The following PTPN5 variants were observed in gnomAD, a reference collection of about 807,000 sequenced individuals.
The protein encoded by PTPN5 is tyrosine-protein phosphatase non-receptor type 5.
PTPN5 carries 29 observed loss-of-function variants against 73.9 expected under a neutral mutation model. The ratio of observed to expected loss-of-function variants is 0.39; its 90% CI spans 0.29 to 0.54. The LOEUF is 0.54. PTPN5 is among the 20% of genes least tolerant of loss of function. The pLI, the probability that PTPN5 is intolerant of heterozygous loss-of-function variation, is 0.65. For missense variants in PTPN5, 652 were observed against 751.4 expected, an observed-to-expected ratio of 0.87 and a Z score of 1.55; for synonymous variants, 267 against 304.7, an observed-to-expected ratio of 0.88 and a Z score of 1.29.
At chr11:18,747,112 A>G (rs1014249038) in intron 3 of PTPN5, among the ~76,000 whole-genome samples, 7 of 151,526 alleles carry the variant, frequency 4.6e-5, no homozygotes, top group African/African-American at 9.7e-5. Context: ...GAGAGGGAAC[A>G]TGGGACTATG....
intron 1 of PTPN5, among the ~76,000 whole-genome samples, chr11:18,786,682 C>A (rs1417381103): frequency 6.6e-6 from 1 of 152,184 alleles, no homozygotes; most frequent in African/African-American, 2.4e-5. Context: ...CAGATGGAAT[C>A]TGGACTGGGG....
At chr11:18,738,027 G>A in intron 8 of PTPN5, 63 bp from the exon 9 acceptor site, 1 of 1,395,796 alleles carries the variant, frequency 7.2e-7, no homozygotes, top group South Asian at 1.2e-5. Flanking sequence ...GAATCCAGGG[G>A]CTGCTGTGCC....
chr11:18,729,341 C>T lies in PTPN5; in HGVS notation c.1604+112G>A. On this transcript the variant is annotated intron_variant, in intron 14 of 14. Coordinates refer to ENST00000358540, the MANE Select transcript of PTPN5 (RefSeq NM_006906.2). The surrounding 1 kb of genome is among the most constrained non-coding windows in gnomAD (Gnocchi z 5.2). ...TCCTTGTCTGCCCATCAGTCCGTGCCAGTGTTTTCCATCTGCCCCTCACCC... is the reference window on the plus strand; with the variant it reads ...TCCTTGTCTGCCCATCAGTCCGTGCTAGTGTTTTCCATCTGCCCCTCACCC... The T allele has an allele frequency of 1.5e-6, 1 of 664,978 alleles. No individual in the cohort carries two copies. Among genetic ancestry groups the T allele is most frequent in the Non-Finnish European group, 2.7e-6 (1 of 365,718 alleles). The allele number at this position is 664,978 out of a possible 1,614,324, so 41.2% of individuals were successfully genotyped here.
intron 1 of PTPN5, among the ~76,000 whole-genome samples, chr11:18,778,202 A>T (rs1851260768): frequency 6.6e-6 from 1 of 152,182 alleles, no homozygotes; most frequent in Non-Finnish European, 1.5e-5. Context: ...GACCTAACTC[A>T]AAATACTGTT....
chr11:18,757,883 T>C (rs1850226210), intron 3 of PTPN5, among the ~76,000 whole-genome samples: 1 of 152,236 alleles, frequency 6.6e-6, no homozygotes, highest in Non-Finnish European at 1.5e-5. Flanking sequence ...GTTAGCTATC[T>C]AGACATAACA....
In PTPN5 at chr11:18,742,934, T is replaced by G; in HGVS notation, c.483+58A>C. On this transcript the variant is annotated intron_variant, in intron 6 of 14. Transcript: ENST00000358540. The surrounding 1 kb of genome is among the most constrained non-coding windows in gnomAD (Gnocchi z 4.1). ...TAAGTCAGATGGGAGCTGGTAGAAA[T>G]CCAGGCCTCAAGGTCAGAGGAGGAC... 8.7e-7 allele frequency: 1 copy of G among 1,146,340 alleles called. No individual in the cohort carries two copies. 71.0% of individuals were successfully genotyped at this position (1,146,340 alleles called of 1,614,324 possible).
chr11:18,743,688 A>T (rs1047422372), intron 4 of PTPN5: 32 of 583,430 alleles, frequency 5.5e-5, no homozygotes, highest in Non-Finnish European at 1.5e-5. Flanking sequence ...ACATCAAAAG[A>T]GTAGTCTCCT....
chr11:18,783,768 C>T (rs72882584), intron 1 of PTPN5, among the ~76,000 whole-genome samples: 2,454 of 152,292 alleles, frequency 0.016, 28 homozygotes, highest in Non-Finnish European at 0.026. Context: ...GGGCAGGGTC[C>T]TTGTGGTCGT....
chr11:18,788,661 T>C (rs1851778547), intron 1 of PTPN5, among the ~76,000 whole-genome samples: 1 of 152,212 alleles, frequency 6.6e-6, no homozygotes, highest in Non-Finnish European at 1.5e-5. Context: ...CTCTTTCAAC[T>C]GTTTTTAAGG....
In PTPN5 at chr11:18,729,653, C is replaced by A; in HGVS notation, c.1490+5G>T. On this transcript the variant is annotated splice_donor_5th_base_variant and intron_variant, in intron 13 of 14. Coordinates refer to ENST00000358540, the MANE Select transcript of PTPN5 (RefSeq NM_006906.2). The surrounding 1 kb of genome is among the most constrained non-coding windows in gnomAD (Gnocchi z 5.2). ...CCGCTCCAGTGGCTGGCTGGGAGGA[C>A]CCACCTGCAGTGGACGATGATGGGG... is the stretch of plus-strand genomic sequence containing the variant. The A allele has an allele frequency of 6.4e-7, 1 of 1,573,120 alleles. No homozygotes were observed.
Position 18,729,981 on chromosome 11 carries a change from G to T in PTPN5, c.1330-163C>A. On this transcript the variant is annotated intron_variant, in intron 12 of 14. Coordinates refer to ENST00000358540, the MANE Select transcript of PTPN5 (RefSeq NM_006906.2). The surrounding 1 kb of genome is among the most constrained non-coding windows in gnomAD (Gnocchi z 5.2). Reference sequence around the variant, plus strand: ...TAGGCCACATTGCCCAGTGGCACCAGACACAGACCCAAAGCCAGCTTGGTT... The same window carrying T: ...TAGGCCACATTGCCCAGTGGCACCATACACAGACCCAAAGCCAGCTTGGTT... 1.1e-6 allele frequency: 1 copy of T among 912,366 alleles called. No homozygotes were observed. Among genetic ancestry groups the T allele is most frequent in the Non-Finnish European group, 1.7e-6 (1 of 587,702 alleles). The allele number at this position is 912,366 out of a possible 1,614,324, so 56.5% of individuals were successfully genotyped here.
chr11:18,779,075 A>G (rs988639866), intron 1 of PTPN5, among the ~76,000 whole-genome samples: 4 of 152,100 alleles, frequency 2.6e-5, no homozygotes. Context: ...ACAGAGGGGA[A>G]AGCTGAAGTT....
intron 9 of PTPN5, 77 bp downstream of exon 9, chr11:18,737,803 A>T: frequency 7.7e-7 from 1 of 1,292,432 alleles, no homozygotes; most frequent in Non-Finnish European, 1.1e-6. Context: ...GGCCCAGCTG[A>T]GGGTCCTCCT....
intron 1 of PTPN5, 29 bp from the exon 2 acceptor site, chr11:18,772,100 G>C (rs1850930163): frequency 3.3e-6 from 2 of 601,008 alleles, no homozygotes; most frequent in Admixed American, 3.9e-5. Context: ...GAGAGATTAA[G>C]TGACTAGTCT....
chr11:18,757,494 C>T (rs1460787110), intron 3 of PTPN5, among the ~76,000 whole-genome samples: 2 of 152,224 alleles, frequency 1.3e-5, no homozygotes, highest in African/African-American at 2.4e-5. Flanking sequence ...GCCACATATT[C>T]AAAACCCCAG....
intron 3 of PTPN5, among the ~76,000 whole-genome samples, chr11:18,745,610 T>G (rs1424793577): frequency 6.6e-6 from 1 of 152,198 alleles, no homozygotes; most frequent in African/African-American, 2.4e-5. Context: ...AGATGTCCCC[T>G]GAAGTAGGTC....
intron 7 of PTPN5, among the ~76,000 whole-genome samples, chr11:18,741,664 T>C (rs181552251): frequency 1.3e-5 from 2 of 152,164 alleles, no homozygotes; most frequent in Admixed American, 6.5e-5. Flanking sequence ...CAGGTTCTAA[T>C]TGGGTACCCA....
chr11:18,764,745 C>CTCTG (rs1850557576), intron 3 of PTPN5, among the ~76,000 whole-genome samples: 1 of 152,148 alleles, frequency 6.6e-6, no homozygotes, highest in Non-Finnish European at 1.5e-5. Context: ...CGGAGTCTTA[C>CTCTG]TCTGTCGCCC....
chr11:18,777,518 G>A (rs1446124180), intron 1 of PTPN5, among the ~76,000 whole-genome samples: 1 of 152,206 alleles, frequency 6.6e-6, no homozygotes, highest in Non-Finnish European at 1.5e-5. Context: ...CACGGATAAG[G>A]TCCATGAAGA....
Sources: gnomAD v4.1 joint callset for allele counts (sites outside exome capture counted in the v4.1 genomes callset) on GRCh38, gnomAD v4.1.1 for gene constraint, Gnocchi (gnomAD v3.1) non-coding constraint, MANE v1.5 for transcripts, NCBI Gene and HGNC (gene_info 2026-07-23, HGNC 2026-07-21) for gene names.